Variants in PLCG2 observed in about 807,000 individuals in gnomAD.
PLCG2 encodes phospholipase C gamma 2.
Under a neutral mutation model 175.6 loss-of-function variants are expected in PLCG2, and 69 were observed. The ratio of observed to expected loss-of-function variants is 0.39; its 90% CI spans 0.32 to 0.48. The LOEUF (loss-of-function observed/expected upper bound fraction) is 0.48, where lower values mean the gene tolerates loss of function less well. PLCG2 is among the 20% of genes least tolerant of loss of function. The pLI is 0.91. For missense variants in PLCG2, 1,798 were observed against 1,650.9 expected (o/e 1.09, Z -1.54); for synonymous variants, 827 against 624.0 (o/e 1.33, Z -4.85).
chr16:81,959,129 G>T lies in PLCG2; in HGVS notation c.*1131G>T, dbSNP rs1011916232. 8.9e-6 allele frequency: 2 copies of T among 223,872 alleles called. No individual in the cohort carries two copies. Among genetic ancestry groups the T allele is most frequent in the African/African-American group, 2.2e-5 (1 of 44,830 alleles). The allele number at this position is 223,872 out of a possible 1,614,324, so 13.9% of individuals were successfully genotyped here. A position where few individuals can be genotyped will look rare whatever the true frequency, so the allele number is the denominator to read the frequency against. On this transcript the variant is annotated 3_prime_UTR_variant, in exon 33 of 33. Coordinates refer to ENST00000564138, the MANE Select transcript of PLCG2 (RefSeq NM_002661.5). The stretch of plus-strand genomic sequence containing the variant: ...GGAGAGTGCTGGGTTGGGAAGGGAG[G>T]TGGTTGGTAGAGTCACAACTTCTCA...
chr16:81,841,117 G>A (rs984010560), intron 2 of PLCG2, among the ~76,000 whole-genome samples: 6 of 152,196 alleles, frequency 3.9e-5, no homozygotes, highest in Admixed American at 1.3e-4. Flanking sequence ...TGCTGTCAGC[G>A]CAGTGGCAAC....
At chr16:81,948,939 G>C (rs554675797) in intron 31 of PLCG2, among the ~76,000 whole-genome samples, 12 of 152,332 alleles carry the variant, frequency 7.9e-5, no homozygotes, top group African/African-American at 2.6e-4. Context: ...GATGAGAACT[G>C]TAACACATAA....
chr16:81,862,670 G>A (rs1567504197), intron 5 of PLCG2, among the ~76,000 whole-genome samples: 1 of 152,138 alleles, frequency 6.6e-6, no homozygotes, highest in Non-Finnish European at 1.5e-5. Flanking sequence ...AGGAGTTGGA[G>A]ACCAGCTTGG....
chr16:81,762,934 G>A (rs1449557532), intron 2 of PLCG2, among the ~76,000 whole-genome samples: 1 of 152,126 alleles, frequency 6.6e-6, no homozygotes, highest in Non-Finnish European at 1.5e-5. Context: ...GCACATGCCT[G>A]TAGTCCCAGC....
intron 2 of PLCG2, among the ~76,000 whole-genome samples, chr16:81,766,307 C>T (rs1597307181): frequency 6.6e-6 from 1 of 152,314 alleles, no homozygotes; most frequent in Non-Finnish European, 1.5e-5. Context: ...CTCTGTTTCT[C>T]CTCTGCAGGG....
intron 2 of PLCG2, among the ~76,000 whole-genome samples, chr16:81,788,405 C>T (rs543584798): frequency 7.2e-5 from 11 of 152,106 alleles, no homozygotes; most frequent in Admixed American, 5.9e-4. Flanking sequence ...CTCAGCCTCC[C>T]GAGTAGCTGG....
chr16:81,895,717 A>G, intron 12 of PLCG2, 90 bp from the exon 13 acceptor site: 4 of 1,432,602 alleles, frequency 2.8e-6, no homozygotes, highest in Non-Finnish European at 3.9e-6. Flanking sequence ...GTCCTTGTCT[A>G]GTAACTGAAC....
At chr16:81,896,822 A>G (rs999457118) in intron 13 of PLCG2, among the ~76,000 whole-genome samples, 17 of 152,174 alleles carry the variant, frequency 1.1e-4, no homozygotes, top group Non-Finnish European at 2.1e-4. Context: ...CAAAGTGAGT[A>G]TGGTCATCCC....
At chr16:81,933,593 CAG>C (rs1351980654) in intron 25 of PLCG2, among the ~76,000 whole-genome samples, 10 of 150,018 alleles carry the variant, frequency 6.7e-5, no homozygotes, top group African/African-American at 2.0e-4. Context: ...TTTTTTGAGA[CAG>C]AGTCTCACTC....
intron 2 of PLCG2, among the ~76,000 whole-genome samples, chr16:81,812,216 A>AT (rs1379183827): frequency 1.3e-5 from 2 of 151,528 alleles, no homozygotes; most frequent in Non-Finnish European, 2.9e-5. Flanking sequence ...CGCCTGGCTA[A>AT]TTTTTTGTAT....
chr16:81,935,753 G>C, intron 26 of PLCG2: 1 of 985,288 alleles, frequency 1.0e-6, no homozygotes, highest in Non-Finnish European at 1.2e-6. Context: ...CCCTACCTGT[G>C]GGCTTTGGCA....
chr16:81,912,507 C>T (rs1381720469), intron 18 of PLCG2, 90 bp from the exon 19 acceptor site: 7 of 1,486,780 alleles, frequency 4.7e-6, no homozygotes, highest in Admixed American at 2.1e-5. Flanking sequence ...TTCCAGGTGT[C>T]ACTGGTGCCA....
At chr16:81,864,007 C>T (rs375523097) in intron 5 of PLCG2, among the ~76,000 whole-genome samples, 1 of 152,170 alleles carries the variant, frequency 6.6e-6, no homozygotes, top group Non-Finnish European at 1.5e-5. Context: ...TCGGGTTTTA[C>T]TGTTCTGGGC....
At chr16:81,811,839 T>C (rs925679283) in intron 2 of PLCG2, among the ~76,000 whole-genome samples, 3 of 152,178 alleles carry the variant, frequency 2.0e-5, no homozygotes, top group Admixed American at 6.5e-5. Flanking sequence ...TATGTGTGCA[T>C]GTGTCTTTAT....
At chr16:81,799,848 C>G (rs1054232651) in intron 2 of PLCG2, among the ~76,000 whole-genome samples, 1 of 152,140 alleles carries the variant, frequency 6.6e-6, no homozygotes, top group African/African-American at 2.4e-5. Context: ...CCACCTTGGC[C>G]TCCTAAAGTG....
At chr16:81,948,565 T>C (rs897881985) in intron 31 of PLCG2, among the ~76,000 whole-genome samples, 1 of 152,196 alleles carries the variant, frequency 6.6e-6, no homozygotes, top group Non-Finnish European at 1.5e-5. Context: ...CTAGAGCAGA[T>C]GCTTGAATCC....
chr16:81,939,933 A>C lies in PLCG2; in HGVS notation c.3355A>C (p.Lys1119Gln), dbSNP rs759080582. Residue 1119 changes from lysine to glutamine, a missense_variant, in exon 30 of 33, where the codon AAG (lysine) becomes CAG (glutamine). By Grantham distance (53) the Lys-to-Gln change is moderately conservative. Coordinates refer to ENST00000564138, the MANE Select transcript of PLCG2 (RefSeq NM_002661.5). ...CCCTATCTGGGCTCCAACACAGGAG[A>C]AGGTGACATTTGAAATTTATGACCC... ...LSPIWAPTQEKVTFEIYDPNL... is the reference protein window; with the variant it reads ...LSPIWAPTQEQVTFEIYDPNL... The C allele has an allele frequency of 5.0e-6, 8 of 1,613,886 alleles. No individual in the cohort carries two copies. The highest frequency in any genetic ancestry group is 6.8e-6 in the Non-Finnish European group (8 of 1,179,834).
intron 2 of PLCG2, among the ~76,000 whole-genome samples, chr16:81,787,085 C>G (rs1911003391): frequency 6.6e-6 from 1 of 152,214 alleles, no homozygotes; most frequent in Admixed American, 6.5e-5. Context: ...ACATTGATCT[C>G]ATTCTTTCTT....
In PLCG2 at chr16:81,959,003, A is replaced by G. The variant is rs1286579304; in HGVS notation, c.*1005A>G. The G allele has an allele frequency of 4.5e-6, 1 of 223,522 alleles. No homozygotes were observed. The highest frequency in any genetic ancestry group is 6.5e-5 in the East Asian group (1 of 15,410). 13.8% of individuals were successfully genotyped at this position (223,522 alleles called of 1,614,324 possible). A position where few individuals can be genotyped will look rare whatever the true frequency, so the allele number is the denominator to read the frequency against. On this transcript the variant is annotated 3_prime_UTR_variant, in exon 33 of 33. Coordinates refer to ENST00000564138, the MANE Select transcript of PLCG2 (RefSeq NM_002661.5). ...CAGCCATCTCCCTTGGGGCAGATCTACCTAGTTCATGACAGTATGTGCGGC... is the reference window on the plus strand; with the variant it reads ...CAGCCATCTCCCTTGGGGCAGATCTGCCTAGTTCATGACAGTATGTGCGGC...
Sources: allele counts gnomAD v4.1 joint callset (sites outside exome capture counted in the v4.1 genomes callset), GRCh38; gene constraint gnomAD v4.1.1; transcripts MANE v1.5; gene names NCBI Gene and HGNC (gene_info 2026-07-23, HGNC 2026-07-21).